Variants in CAMTA1 observed in about 807,000 individuals in gnomAD.
CAMTA1 encodes calmodulin-binding transcription activator 1.
In CAMTA1, 27 loss-of-function variants were observed where a neutral mutation model predicts 170.9. That is an observed-to-expected ratio of 0.16 (90% CI 0.12 to 0.22). The LOEUF (loss-of-function observed/expected upper bound fraction) is 0.22. Among genes scored for constraint, CAMTA1 ranks in the 10% least tolerant of loss-of-function variants. CAMTA1 has a pLI of 1.00. For missense variants in CAMTA1, 1,619 were observed against 2,217.2 expected, an observed-to-expected ratio of 0.73 and a Z score of 5.42; for synonymous variants, 833 against 891.5, an observed-to-expected ratio of 0.93 and a Z score of 1.17.
rs1056535510 is a variant in CAMTA1, at chr1:7,063,705, G to C, written c.235-27599G>C. Among the ~76,000 whole-genome samples, 9 of 152,166 alleles carry C rather than the reference G, an allele frequency of 5.9e-5. No homozygotes were observed. The highest frequency in any genetic ancestry group is 5.2e-4 in the Admixed American group (8 of 15,286). ...ATTTTCTTCTTATAAAAATCAGCAA[G>C]TTGTACCTACAAAGTGGGAGCAAAT... On this transcript the variant is annotated intron_variant, in intron 3 of 22. Coordinates refer to ENST00000303635, the MANE Select transcript of CAMTA1 (RefSeq NM_015215.4). The surrounding 1 kb of genome is among the most constrained non-coding windows in gnomAD (Gnocchi z 4.3).
chr1:7,103,896 A>C (rs1643199690), intron 4 of CAMTA1, among the ~76,000 whole-genome samples: 1 of 149,722 alleles, frequency 6.7e-6, no homozygotes, highest in Non-Finnish European at 1.5e-5. Context: ...TACACACAAC[A>C]CACAACTACA....
At chr1:6,908,074 C>G (rs370665712) in intron 3 of CAMTA1, among the ~76,000 whole-genome samples, 1 of 152,238 alleles carries the variant, frequency 6.6e-6, no homozygotes, top group African/African-American at 2.4e-5. Flanking sequence ...GCTGTCCCTT[C>G]TGCCTGGACC....
At chr1:7,165,676 C>A (rs1033106634) in intron 4 of CAMTA1, among the ~76,000 whole-genome samples, 1 of 152,228 alleles carries the variant, frequency 6.6e-6, no homozygotes, top group East Asian at 1.9e-4. Context: ...AGGTGATCCA[C>A]CCGTCTCGTC....
At position 7,681,606 on chromosome 1, in the gene CAMTA1, C is replaced by T. The variant is rs544638964; in HGVS notation, c.2914+3873C>T. 5.4e-4 allele frequency among the ~76,000 whole-genome samples: 82 copies of T among 152,316 alleles called. 1 individual carries two copies. The highest frequency in any genetic ancestry group is 1.9e-3 in the African/African-American group (78 of 41,570). On this transcript the variant is annotated intron_variant, in intron 11 of 22. Coordinates refer to ENST00000303635, the MANE Select transcript of CAMTA1 (RefSeq NM_015215.4). This position sits in a 1 kb window ranked among gnomAD's most constrained non-coding sequence, Gnocchi z 4.6. ...ACAAAGATGCAAGGGGGACCTCTTC[C>T]AGGCTAGAGGTAGGCAGGCAATGGG...
intron 3 of CAMTA1, among the ~76,000 whole-genome samples, chr1:7,019,556 C>A (rs1701060061): frequency 6.6e-6 from 1 of 152,184 alleles, no homozygotes; most frequent in Non-Finnish European, 1.5e-5. Context: ...GCACCAGCGA[C>A]CCTTTCCTTC....
intron 6 of CAMTA1, among the ~76,000 whole-genome samples, chr1:7,477,520 C>G (rs1447012598): frequency 6.6e-6 from 1 of 152,220 alleles, no homozygotes; most frequent in East Asian, 1.9e-4. Flanking sequence ...ATTTCCCGCT[C>G]AGACATCTTT....
intron 11 of CAMTA1, chr1:7,698,688 C>A (rs1432017095): frequency 2.6e-5 from 4 of 152,294 alleles, no homozygotes; most frequent in Admixed American, 2.6e-4. Context: ...AAGGAAAATC[C>A]CAAGTTCTGA....
In CAMTA1 at chr1:7,195,969, A is replaced by G. The variant is rs1217262746; in HGVS notation, c.303-53522A>G. ...GAGGTGGAGGTTGCAGTGAGCTGAG[A>G]TCATCCCACTGCACTCCAGCCTGGG... is the stretch of plus-strand genomic sequence containing the variant. On this transcript the variant is annotated intron_variant, in intron 4 of 22. Coordinates refer to ENST00000303635, the MANE Select transcript of CAMTA1 (RefSeq NM_015215.4). The surrounding 1 kb of genome is among the most constrained non-coding windows in gnomAD (Gnocchi z 4.1). 2.6e-5 allele frequency among the ~76,000 whole-genome samples: 4 copies of G among 152,096 alleles called. No individual in the cohort carries two copies. Among genetic ancestry groups the G allele is most frequent in the Non-Finnish European group, 5.9e-5 (4 of 68,008 alleles).
At chr1:7,376,502 A>C (rs938195436) in intron 5 of CAMTA1, among the ~76,000 whole-genome samples, 1 of 152,226 alleles carries the variant, frequency 6.6e-6, no homozygotes, top group Admixed American at 6.5e-5. Context: ...GAGTATAAGC[A>C]GTGCCTAATT....
At chr1:7,154,756 A>C (rs1236707863) in intron 4 of CAMTA1, among the ~76,000 whole-genome samples, 1 of 152,224 alleles carries the variant, frequency 6.6e-6, no homozygotes, top group African/African-American at 2.4e-5. Context: ...GAGACTGGTC[A>C]AGGGCTTGTG....
intron 6 of CAMTA1, among the ~76,000 whole-genome samples, chr1:7,597,512 C>T (rs991355046): frequency 1.3e-5 from 2 of 152,046 alleles, no homozygotes; most frequent in African/African-American, 4.8e-5. Flanking sequence ...AGATGTGTTT[C>T]CTGGGTGGGA....
At chr1:7,256,160 T>C (rs550331008) in intron 5 of CAMTA1, among the ~76,000 whole-genome samples, 2 of 152,354 alleles carry the variant, frequency 1.3e-5, no homozygotes, top group South Asian at 4.1e-4. Flanking sequence ...AGTTCTTCCT[T>C]AATTTCTAAT....
chr1:7,709,487 G>A (rs766255927), intron 11 of CAMTA1, among the ~76,000 whole-genome samples: 47 of 152,188 alleles, frequency 3.1e-4, no homozygotes, highest in Non-Finnish European at 8.8e-5. Flanking sequence ...GAGTGAGAGG[G>A]TCGAAAATCA....
At chr1:6,962,535 T>C (rs1228168963) in intron 3 of CAMTA1, among the ~76,000 whole-genome samples, 1 of 146,854 alleles carries the variant, frequency 6.8e-6, no homozygotes, top group Non-Finnish European at 1.5e-5. Context: ...CCTCGTCTGG[T>C]CCCATCCACC....
intron 3 of CAMTA1, among the ~76,000 whole-genome samples, chr1:6,842,318 C>G (rs575879416): frequency 6.6e-6 from 1 of 152,174 alleles, no homozygotes. Flanking sequence ...AAAACGCCCT[C>G]GCCGTGAGGC....
intron 7 of CAMTA1, among the ~76,000 whole-genome samples, chr1:7,660,914 G>A (rs1314516662): frequency 9.9e-5 from 15 of 152,214 alleles, no homozygotes; most frequent in Non-Finnish European, 2.9e-5. Flanking sequence ...GCGACCCCTT[G>A]GCCGGGTCTG....
In CAMTA1 at chr1:7,456,740, G is replaced by A. The variant is rs1396257638; in HGVS notation, c.439-11090G>A. On this transcript the variant is annotated intron_variant, in intron 5 of 22. Coordinates refer to ENST00000303635, the MANE Select transcript of CAMTA1 (RefSeq NM_015215.4). The surrounding 1 kb of genome is among the most constrained non-coding windows in gnomAD (Gnocchi z 4.9). ...TGGCTGGGCCTGTGCAGGGTGAGGA[G>A]CTGGGCTGCCTTCCCCAAAGCGGTT... Among the ~76,000 whole-genome samples the A allele has an allele frequency of 1.3e-5, 2 of 152,240 alleles. No individual in the cohort carries two copies. Among genetic ancestry groups the A allele is most frequent in the African/African-American group, 4.8e-5 (2 of 41,468 alleles).
At chr1:7,283,671 G>C (rs989608283) in intron 5 of CAMTA1, among the ~76,000 whole-genome samples, 2 of 152,174 alleles carry the variant, frequency 1.3e-5, no homozygotes, top group Non-Finnish European at 2.9e-5. Flanking sequence ...CATAAGGCTG[G>C]TAGTATTTCC....
rs112929831 is a variant in CAMTA1 at position 7,565,925 on chromosome 1, GGAGAGA to G, written c.511-74456_511-74451del. Among the ~76,000 whole-genome samples the G allele has an allele frequency of 0.013, 1,881 of 148,888 alleles. 41 individuals carry two copies. The highest frequency in any genetic ancestry group is 0.044 in the African/African-American group (1,788 of 40,616). On this transcript the variant is annotated intron_variant, in intron 6 of 22. Coordinates refer to ENST00000303635, the MANE Select transcript of CAMTA1 (RefSeq NM_015215.4). The surrounding 1 kb of genome is among the most constrained non-coding windows in gnomAD (Gnocchi z 4.5). ...TTCTCGCTGTGTCCTCACATAGTAGGGAGAGAGAGAGAGAGAGAGAGAGAATCTTAC... is the reference window on the plus strand; with the variant it reads ...TTCTCGCTGTGTCCTCACATAGTAGGGAGAGAGAGAGAGAGAGAATCTTAC...
Sources: gnomAD v4.1 joint callset for allele counts (sites outside exome capture counted in the v4.1 genomes callset) on GRCh38, gnomAD v4.1.1 for gene constraint, Gnocchi (gnomAD v3.1) non-coding constraint, MANE v1.5 for transcripts, NCBI Gene and HGNC (gene_info 2026-07-23, HGNC 2026-07-21) for gene names.